Variants in MAML2 observed in about 807,000 individuals in gnomAD.
The protein encoded by MAML2 is mastermind-like protein 2.
In MAML2, 22 loss-of-function variants were observed where a neutral mutation model predicts 96.1. The observed-to-expected ratio is 0.23, with a 90% CI of 0.16 to 0.33. The LOEUF is 0.33. MAML2 is among the 10% of genes least tolerant of loss of function. The pLI, the probability that MAML2 is intolerant of heterozygous loss-of-function variation, is 1.00. For synonymous variants in MAML2, 561 were observed against 521.3 expected (o/e 1.08, Z -1.04); for missense variants, 1,367 against 1,392.4 (o/e 0.98, Z 0.29).
chr11:96,136,557 C>T (rs755603760), intron 1 of MAML2, among the ~76,000 whole-genome samples: 4 of 152,110 alleles, frequency 2.6e-5, no homozygotes, highest in Admixed American at 6.6e-5. Flanking sequence ...TTATTTCCTG[C>T]TTTCACATCC....
intron 1 of MAML2, among the ~76,000 whole-genome samples, chr11:96,218,968 T>C (rs1173475999): frequency 6.6e-6 from 1 of 152,200 alleles, no homozygotes; most frequent in African/African-American, 2.4e-5. Flanking sequence ...AGAAGTACAT[T>C]ATCTCCAGAT....
intron 1 of MAML2, among the ~76,000 whole-genome samples, chr11:96,332,153 C>T (rs1863863114): frequency 1.3e-5 from 2 of 152,278 alleles, no homozygotes; most frequent in Admixed American, 1.3e-4. Flanking sequence ...AGCATGGGTC[C>T]TCCAGCATTG....
At chr11:96,282,060 T>C (rs774477955) in intron 1 of MAML2, among the ~76,000 whole-genome samples, 6 of 151,728 alleles carry the variant, frequency 4.0e-5, no homozygotes, top group Non-Finnish European at 8.8e-5. Flanking sequence ...CTATCCTGGC[T>C]AACATGGTGA....
intron 2 of MAML2, among the ~76,000 whole-genome samples, chr11:96,068,624 C>A (rs531436899): frequency 6.6e-6 from 1 of 151,886 alleles, no homozygotes; most frequent in Non-Finnish European, 1.5e-5. Context: ...GTCAGGAGAT[C>A]GAGACCATCC....
intron 1 of MAML2, among the ~76,000 whole-genome samples, chr11:96,104,990 T>C (rs777282680): frequency 6.6e-6 from 1 of 152,224 alleles, no homozygotes; most frequent in Non-Finnish European, 1.5e-5. Flanking sequence ...TTGCTTGAGA[T>C]ACTTCAAGAG....
At chr11:96,172,092 G>A (rs1265854917) in intron 1 of MAML2, among the ~76,000 whole-genome samples, 1 of 152,220 alleles carries the variant, frequency 6.6e-6, no homozygotes, top group African/African-American at 2.4e-5. Flanking sequence ...TGATAAATAT[G>A]GCTGGAATTT....
chr11:96,171,145 T>C (rs1327220663), intron 1 of MAML2, among the ~76,000 whole-genome samples: 1 of 152,068 alleles, frequency 6.6e-6, no homozygotes, highest in Non-Finnish European at 1.5e-5. Context: ...TCCAAGGTAA[T>C]TGATGGTGGG....
At chr11:96,166,265 A>G (rs2135895077) in intron 1 of MAML2, among the ~76,000 whole-genome samples, 1 of 152,030 alleles carries the variant, frequency 6.6e-6, no homozygotes. Context: ...AGGGATTGCA[A>G]AAACATGCTA....
intron 1 of MAML2, among the ~76,000 whole-genome samples, chr11:96,103,806 T>A (rs1436858655): frequency 1.3e-5 from 2 of 152,204 alleles, no homozygotes; most frequent in East Asian, 3.8e-4. Flanking sequence ...TCTGCCCCAC[T>A]GTGTTCTCTG....
chr11:96,272,041 C>T lies in MAML2; in HGVS notation c.513+69342G>A, dbSNP rs11021510. Among the ~76,000 whole-genome samples, 870 of 152,100 alleles carry T rather than the reference C, an allele frequency of 5.7e-3. 8 individuals carry two copies. The highest frequency in any genetic ancestry group is 0.019 in the African/African-American group (781 of 41,512). The stretch of plus-strand genomic sequence containing the variant: ...CCCCTGATGTCTGCTTGGTACTATC[C>T]TACACCTCCTTCAGGTCCTTGCTCA... On this transcript the variant is annotated intron_variant, in intron 1 of 4. Coordinates refer to ENST00000524717, the MANE Select transcript of MAML2 (RefSeq NM_032427.4).
intron 1 of MAML2, among the ~76,000 whole-genome samples, chr11:96,144,222 G>A (rs1860778911): frequency 6.6e-6 from 1 of 152,230 alleles, no homozygotes; most frequent in African/African-American, 2.4e-5. Flanking sequence ...ACATTGCTGG[G>A]AAGATGCTGA....
intron 2 of MAML2, among the ~76,000 whole-genome samples, chr11:96,062,083 C>G (rs1859170301): frequency 1.3e-5 from 2 of 152,072 alleles, no homozygotes; most frequent in Non-Finnish European, 2.9e-5. Context: ...CATTCTACCA[C>G]TTTAGTAGTC....
chr11:96,075,149 G>A (rs1859414027), intron 2 of MAML2, among the ~76,000 whole-genome samples: 1 of 152,156 alleles, frequency 6.6e-6, no homozygotes, highest in African/African-American at 2.4e-5. Context: ...TCCCTAGAGA[G>A]GATATTGATA....
At chr11:96,182,387 T>C (rs991730640) in intron 1 of MAML2, among the ~76,000 whole-genome samples, 3 of 152,222 alleles carry the variant, frequency 2.0e-5, no homozygotes, top group Non-Finnish European at 4.4e-5. Context: ...CACTTGCCTA[T>C]GTACCAACAG....
chr11:96,274,673 T>C (rs1565269707), intron 1 of MAML2, among the ~76,000 whole-genome samples: 1 of 152,182 alleles, frequency 6.6e-6, no homozygotes. Context: ...CAATGTGGAA[T>C]TGCATTGGAA....
chr11:96,247,052 T>G (rs1862522111), intron 1 of MAML2, among the ~76,000 whole-genome samples: 1 of 152,072 alleles, frequency 6.6e-6, no homozygotes, highest in Non-Finnish European at 1.5e-5. Flanking sequence ...AGGACCTTAG[T>G]GTGTTGCTGG....
intron 2 of MAML2, among the ~76,000 whole-genome samples, chr11:96,040,254 A>G (rs1858787006): frequency 2.6e-5 from 4 of 152,248 alleles, no homozygotes; most frequent in Admixed American, 1.3e-4. Context: ...TGTCATAATT[A>G]TAGTACATAT....
intron 1 of MAML2, among the ~76,000 whole-genome samples, chr11:96,308,061 C>T (rs1308624629): frequency 6.6e-6 from 1 of 152,140 alleles, no homozygotes; most frequent in Non-Finnish European, 1.5e-5. Flanking sequence ...GGCTTCTTTA[C>T]AATTCTAGAC....
intron 1 of MAML2, among the ~76,000 whole-genome samples, chr11:96,338,798 A>C (rs895932018): frequency 1.2e-4 from 18 of 152,268 alleles, no homozygotes; most frequent in African/African-American, 4.3e-4. Context: ...AGTAGCAATA[A>C]AATTAAGAAA....
Sources: allele counts gnomAD v4.1 joint callset (sites outside exome capture counted in the v4.1 genomes callset), GRCh38; gene constraint gnomAD v4.1.1; transcripts MANE v1.5; gene names NCBI Gene and HGNC (gene_info 2026-07-23, HGNC 2026-07-21).